DENND1B: variants seen among roughly 807,000 people sequenced by gnomAD.
DENND1B encodes the protein DENN domain containing 1B, also known as DENN domain-containing protein 1B.
Under a neutral mutation model 90.1 loss-of-function variants are expected in DENND1B, and 59 were observed. The ratio of observed to expected loss-of-function variants is 0.65; its 90% CI spans 0.53 to 0.81. The LOEUF is 0.81. Ranked by LOEUF, DENND1B falls within the 40% of genes least tolerant of loss-of-function variation. The probability of loss-of-function intolerance (pLI) is 0.00; values close to 1 mark genes in which losing one functional copy is unlikely to be tolerated. For missense variants in DENND1B, 862 were observed against 912.6 expected (o/e 0.94, Z 0.71); for synonymous variants, 337 against 324.6 (o/e 1.04, Z -0.41).
At chr1:197,542,190 C>T (rs755602353) in intron 18 of DENND1B, among the ~76,000 whole-genome samples, 3 of 152,082 alleles carry the variant, frequency 2.0e-5, no homozygotes, top group Admixed American at 6.6e-5. Flanking sequence ...CTCTGAAAAC[C>T]GTTTAGCCAA....
At chr1:197,749,838 G>T (rs926548152) in intron 2 of DENND1B, among the ~76,000 whole-genome samples, 6 of 151,546 alleles carry the variant, frequency 4.0e-5, no homozygotes, top group East Asian at 3.9e-4. Flanking sequence ...GGGTTTTTTT[G>T]TTGTTGTTTG....
intron 2 of DENND1B, among the ~76,000 whole-genome samples, chr1:197,772,606 T>G (rs1656759083): frequency 6.6e-6 from 1 of 152,188 alleles, no homozygotes; most frequent in Non-Finnish European, 1.5e-5. Flanking sequence ...GTGGATCACT[T>G]GAGCCCAGGA....
chr1:197,543,975 A>C (rs937218763), intron 18 of DENND1B, among the ~76,000 whole-genome samples: 1 of 152,152 alleles, frequency 6.6e-6, no homozygotes, highest in East Asian at 1.9e-4. Context: ...ACAAAATCAA[A>C]ACCCTTGCCT....
chr1:197,553,864 T>C (rs906796078), intron 15 of DENND1B, among the ~76,000 whole-genome samples: 1 of 152,100 alleles, frequency 6.6e-6, no homozygotes, highest in Non-Finnish European at 1.5e-5. Flanking sequence ...TTTTTCAGTG[T>C]TCTTAAAAAA....
chr1:197,583,309 A>C, intron 14 of DENND1B, 56 bp from the exon 15 acceptor site: 2 of 1,518,048 alleles, frequency 1.3e-6, no homozygotes, highest in Non-Finnish European at 9.1e-7. Context: ...AGAGAGAACT[A>C]GTCTCTTTAA....
chr1:197,645,429 A>C (rs769050887), intron 9 of DENND1B, among the ~76,000 whole-genome samples: 46 of 151,990 alleles, frequency 3.0e-4, no homozygotes, highest in Admixed American at 9.2e-4. Flanking sequence ...TAATTACTAC[A>C]AATGATAGAA....
chr1:197,643,195 C>T (rs1680428877), intron 9 of DENND1B, among the ~76,000 whole-genome samples: 2 of 151,642 alleles, frequency 1.3e-5, no homozygotes, highest in South Asian at 4.2e-4. Context: ...TTTTTTGTCA[C>T]CCAGGCTGGA....
At chr1:197,580,635 T>C (rs1006920358) in intron 15 of DENND1B, among the ~76,000 whole-genome samples, 1 of 152,176 alleles carries the variant, frequency 6.6e-6, no homozygotes, top group Non-Finnish European at 1.5e-5. Flanking sequence ...TGCAAATTTC[T>C]GTGCAGACTG....
At chr1:197,593,291 G>C (rs1043235318) in intron 14 of DENND1B, among the ~76,000 whole-genome samples, 4 of 150,110 alleles carry the variant, frequency 2.7e-5, no homozygotes, top group African/African-American at 9.8e-5. Context: ...CATTAAAAAG[G>C]AAGCTTTCAT....
chr1:197,731,391 G>A (rs1457508922), intron 2 of DENND1B, among the ~76,000 whole-genome samples: 1 of 152,084 alleles, frequency 6.6e-6, no homozygotes, highest in East Asian at 1.9e-4. Flanking sequence ...AGGAAAGTGA[G>A]CAATTAATTC....
intron 10 of DENND1B, among the ~76,000 whole-genome samples, chr1:197,619,740 GT>G (rs1326477832): frequency 1.3e-5 from 2 of 151,176 alleles, no homozygotes; most frequent in Non-Finnish European, 3.0e-5. Context: ...CTTAAATGAA[GT>G]TTTATTAGTT....
At chr1:197,672,392 G>T (rs565257872) in intron 4 of DENND1B, among the ~76,000 whole-genome samples, 1 of 151,872 alleles carries the variant, frequency 6.6e-6, no homozygotes, top group East Asian at 1.9e-4. Flanking sequence ...TCTCTCACTA[G>T]GAAATCATAA....
At chr1:197,521,882 T>C (rs2125614381) in intron 20 of DENND1B, among the ~76,000 whole-genome samples, 1 of 152,182 alleles carries the variant, frequency 6.6e-6, no homozygotes, top group South Asian at 2.1e-4. Context: ...CTATTTTACA[T>C]ATTAGGAAAC....
intron 20 of DENND1B, among the ~76,000 whole-genome samples, chr1:197,524,542 G>T (rs1008763953): frequency 6.6e-6 from 1 of 152,070 alleles, no homozygotes; most frequent in Non-Finnish European, 1.5e-5. Flanking sequence ...AAGTGATGAG[G>T]GTGATGGTTG....
intron 15 of DENND1B, among the ~76,000 whole-genome samples, chr1:197,569,145 A>G (rs976616799): frequency 1.3e-4 from 20 of 152,204 alleles, no homozygotes; most frequent in Admixed American, 1.1e-3. Flanking sequence ...TGATCATAAG[A>G]AGACATACAA....
rs5779876 is a variant in DENND1B at position 197,528,858 on chromosome 1, C to CAA, written c.1515+11104_1515+11105dup. 2.2e-3 allele frequency among the ~76,000 whole-genome samples: 303 copies of CAA among 135,840 alleles called. 2 individuals are homozygous for CAA. Among genetic ancestry groups the CAA allele is most frequent in the South Asian group, 0.021 (89 of 4,248 alleles). 89.1% of individuals were successfully genotyped at this position (135,840 alleles called of 152,430 possible). A position where few individuals can be genotyped will look rare whatever the true frequency, so the allele number is the denominator to read the frequency against. On this transcript the variant is annotated intron_variant, in intron 20 of 22. Coordinates refer to ENST00000620048, the MANE Select transcript of DENND1B (RefSeq NM_001195215.2). ...CTGGGTGACAGAGCGAGACTCATCT[C>CAA]AAAAAAAAAAAAAAATTCTTATTTG...
intron 3 of DENND1B, among the ~76,000 whole-genome samples, chr1:197,714,337 A>T (rs893148875): frequency 6.6e-6 from 1 of 152,142 alleles, no homozygotes; most frequent in African/African-American, 2.4e-5. Flanking sequence ...TTTACCATAT[A>T]TTACATATAA....
chr1:197,572,197 C>T (rs1032720911), intron 15 of DENND1B, among the ~76,000 whole-genome samples: 12 of 152,228 alleles, frequency 7.9e-5, no homozygotes, highest in East Asian at 1.9e-4. Flanking sequence ...CCTGGAAAAA[C>T]GGGACATTTC....
At chr1:197,655,059 T>C (rs1403462401) in intron 6 of DENND1B, among the ~76,000 whole-genome samples, 1 of 152,220 alleles carries the variant, frequency 6.6e-6, no homozygotes, top group Non-Finnish European at 1.5e-5. Flanking sequence ...TAAATGATTG[T>C]ATACTGAAAA....
Sources: allele counts gnomAD v4.1 joint callset (sites outside exome capture counted in the v4.1 genomes callset), GRCh38; gene constraint gnomAD v4.1.1; transcripts MANE v1.5; gene names NCBI Gene and HGNC (gene_info 2026-07-23, HGNC 2026-07-21).